Variants in MEF2A observed in about 807,000 individuals in gnomAD.
MEF2A encodes myocyte enhancer factor 2A, also known as myocyte-specific enhancer factor 2A.
MEF2A carries 28 observed loss-of-function variants against 55.8 expected under a neutral mutation model. That is an observed-to-expected ratio of 0.50 (90% CI 0.37 to 0.69). The LOEUF (loss-of-function observed/expected upper bound fraction) is 0.69, where lower values mean the gene tolerates loss of function less well. Among genes scored for constraint, MEF2A ranks in the 30% least tolerant of loss-of-function variants. The pLI, the probability that MEF2A is intolerant of heterozygous loss-of-function variation, is 0.00. For synonymous variants in MEF2A, 239 were observed against 227.1 expected (o/e 1.05, Z -0.47); for missense variants, 528 against 626.2 (o/e 0.84, Z 1.67).
At chr15:99,684,796 C>T (rs958641961) in intron 7 of MEF2A, among the ~76,000 whole-genome samples, 2 of 152,038 alleles carry the variant, frequency 1.3e-5, no homozygotes, top group African/African-American at 4.8e-5. Flanking sequence ...AAGAGTTTTT[C>T]CAGTGTTCTA....
At chr15:99,654,681 A>G (rs2047414055) in intron 4 of MEF2A, among the ~76,000 whole-genome samples, 1 of 152,124 alleles carries the variant, frequency 6.6e-6, no homozygotes, top group Non-Finnish European at 1.5e-5. Flanking sequence ...TTGCCCATGC[A>G]TCATTGTCTT....
At chr15:99,635,020 A>G (rs551834754) in intron 3 of MEF2A, among the ~76,000 whole-genome samples, 1 of 152,150 alleles carries the variant, frequency 6.6e-6, no homozygotes, top group African/African-American at 2.4e-5. Flanking sequence ...AAGGGAGAAA[A>G]ACTGTATCTT....
At position 99,675,382 on chromosome 15, in the gene MEF2A, C is replaced by T; in HGVS notation, c.611-17C>T. On this transcript the variant is annotated splice_polypyrimidine_tract_variant and intron_variant, in intron 6 of 11. Transcript: ENST00000557942. ...ATTCATTCTCTGCCCTCTGTCTTCT[C>T]TCCGTAACGTTGTTAGGTGGGATGT... 6.2e-7 allele frequency: 1 copy of T among 1,612,516 alleles called. No homozygotes were observed. Among genetic ancestry groups the T allele is most frequent in the Non-Finnish European group, 8.5e-7 (1 of 1,178,540 alleles).
chr15:99,582,399 G>A (rs11247115), intron 1 of MEF2A, among the ~76,000 whole-genome samples: 1 of 151,994 alleles, frequency 6.6e-6, no homozygotes, highest in African/African-American at 2.4e-5. Context: ...GCCAGACTGT[G>A]CTGTCCTTGA....
At chr15:99,651,797 AGT>A (rs1299882444) in intron 4 of MEF2A, among the ~76,000 whole-genome samples, 1 of 152,180 alleles carries the variant, frequency 6.6e-6, no homozygotes, top group African/African-American at 2.4e-5. Flanking sequence ...CACGTCTCTA[AGT>A]GTGGTTTTTC....
chr15:99,671,824 A>G (rs2050930058), intron 5 of MEF2A, among the ~76,000 whole-genome samples: 1 of 152,220 alleles, frequency 6.6e-6, no homozygotes, highest in African/African-American at 2.4e-5. Flanking sequence ...CTGAAATCTT[A>G]TACATGTTCA....
intron 4 of MEF2A, among the ~76,000 whole-genome samples, chr15:99,667,520 G>C (rs890020590): frequency 2.3e-4 from 35 of 152,140 alleles, no homozygotes; most frequent in African/African-American, 8.2e-4. Context: ...ACCGCGCCCG[G>C]CCGTAACATA....
chr15:99,707,068 T>C (rs998822232), intron 10 of MEF2A, among the ~76,000 whole-genome samples: 2 of 152,206 alleles, frequency 1.3e-5, no homozygotes, highest in African/African-American at 4.8e-5. Context: ...TTATTCCGGC[T>C]TCTCCAGTGT....
intron 9 of MEF2A, among the ~76,000 whole-genome samples, chr15:99,704,771 C>A (rs2057830285): frequency 6.6e-6 from 1 of 152,112 alleles, no homozygotes; most frequent in Non-Finnish European, 1.5e-5. Context: ...AAGTTCCAGA[C>A]TAAATATTAA....
intron 8 of MEF2A, among the ~76,000 whole-genome samples, chr15:99,691,154 AGAAG>A (rs1440661903): frequency 3.4e-5 from 5 of 148,574 alleles, no homozygotes; most frequent in Non-Finnish European, 7.4e-5. Flanking sequence ...TAGCCAAGAA[AGAAG>A]GAAGGAAGGA....
At chr15:99,649,343 A>G (rs1247276243) in intron 4 of MEF2A, among the ~76,000 whole-genome samples, 1 of 152,168 alleles carries the variant, frequency 6.6e-6, no homozygotes, top group Non-Finnish European at 1.5e-5. Context: ...TTTCTCTGAA[A>G]TGAAGAATAT....
chr15:99,708,851 C>T (rs1283009486), intron 10 of MEF2A, among the ~76,000 whole-genome samples: 1 of 152,054 alleles, frequency 6.6e-6, no homozygotes, highest in African/African-American at 2.4e-5. Flanking sequence ...GAGGGTGTGC[C>T]TGTACAAAGG....
chr15:99,609,748 C>T (rs1976461200), intron 2 of MEF2A, among the ~76,000 whole-genome samples: 1 of 152,034 alleles, frequency 6.6e-6, no homozygotes, highest in South Asian at 2.1e-4. Flanking sequence ...GAAAATAATT[C>T]CATAAGGGTA....
intron 1 of MEF2A, among the ~76,000 whole-genome samples, chr15:99,581,324 T>C (rs1397285539): frequency 6.6e-6 from 1 of 152,172 alleles, no homozygotes; most frequent in Non-Finnish European, 1.5e-5. Flanking sequence ...ATGACACAGC[T>C]TTGGAGTTAT....
chr15:99,569,664 T>C (rs942621173), intron 1 of MEF2A, among the ~76,000 whole-genome samples: 13 of 152,202 alleles, frequency 8.5e-5, no homozygotes, highest in Non-Finnish European at 1.9e-4. Flanking sequence ...CTCTAAGATA[T>C]AGTATTTGAA....
chr15:99,633,256 T>C, intron 3 of MEF2A, 83 bp downstream of exon 3: 2 of 929,366 alleles, frequency 2.2e-6, no homozygotes, highest in Admixed American at 3.6e-5. Context: ...GGGTTTTTCT[T>C]AAACTTAATT....
chr15:99,695,541 T>TTGTGTGTGTGTGTGTGTGTGCG (rs2056315896), intron 8 of MEF2A, among the ~76,000 whole-genome samples: 1 of 144,778 alleles, frequency 6.9e-6, no homozygotes, highest in Admixed American at 6.9e-5. Flanking sequence ...ATTGTCAGAT[T>TTGTGTGTGTGTGTGTGTGTGCG]TGTGTGTGTG....
chr15:99,679,352 TAA>T (rs1480640879), intron 7 of MEF2A, among the ~76,000 whole-genome samples: 2 of 152,322 alleles, frequency 1.3e-5, no homozygotes, highest in African/African-American at 4.8e-5. Context: ...TGGATAAATA[TAA>T]GAGTACATTC....
In MEF2A at chr15:99,712,815, C is replaced by T. The variant is rs1266146820; in HGVS notation, c.*44C>T. ...TGTACTTTTGTGTTACTGCAGTGAC[C>T]TGCCCTACATATCTAAATCGGTAAA... On this transcript the variant is annotated 3_prime_UTR_variant, in exon 12 of 12. Coordinates refer to ENST00000557942, the MANE Select transcript of MEF2A (RefSeq NM_001319206.4). The surrounding 1 kb of genome is among the most constrained non-coding windows in gnomAD (Gnocchi z 4.1). The T allele has an allele frequency of 6.5e-7, 1 of 1,534,758 alleles. No homozygotes were observed. Among genetic ancestry groups the T allele is most frequent in the African/African-American group, 1.4e-5 (1 of 72,704 alleles).
Sources: allele counts gnomAD v4.1 joint callset (sites outside exome capture counted in the v4.1 genomes callset), GRCh38; gene constraint gnomAD v4.1.1; non-coding constraint Gnocchi (gnomAD v3.1); transcripts MANE v1.5; gene names NCBI Gene and HGNC (gene_info 2026-07-23, HGNC 2026-07-21).